RIT2: variants seen among roughly 807,000 people sequenced by gnomAD.
RIT2 encodes the protein GTP-binding protein Rit2.
Under a neutral mutation model 23.7 loss-of-function variants are expected in RIT2, and 24 were observed. That is an observed-to-expected ratio of 1.01 (90% CI 0.73 to 1.43). The LOEUF is 1.43. Ranked by LOEUF, RIT2 falls within the 40% of genes most tolerant of loss-of-function variation. The pLI is 0.00. For synonymous variants in RIT2, 107 were observed against 91.1 expected, an observed-to-expected ratio of 1.17 and a Z score of -0.99; for missense variants, 236 against 266.9, an observed-to-expected ratio of 0.88 and a Z score of 0.81.
At chr18:43,019,357 T>C (rs1911544972) in intron 2 of RIT2, among the ~76,000 whole-genome samples, 1 of 151,970 alleles carries the variant, frequency 6.6e-6, no homozygotes, top group Non-Finnish European at 1.5e-5. Flanking sequence ...TGGCATTTAT[T>C]CCAGAGATTC....
chr18:42,809,951 CATAATTTGTATATGTTATAT>C (rs1039650551), intron 4 of RIT2, among the ~76,000 whole-genome samples: 11 of 136,186 alleles, frequency 8.1e-5, no homozygotes, highest in South Asian at 4.6e-4. Context: ...ATATGATATA[CATAATTTGTATATGTTATAT>C]ATAATTTGTA....
intron 2 of RIT2, among the ~76,000 whole-genome samples, chr18:43,013,961 C>T (rs1911412860): frequency 1.3e-5 from 2 of 151,728 alleles, no homozygotes; most frequent in South Asian, 4.1e-4. Context: ...GAAAATAGGG[C>T]ATCCAAATTT....
intron 4 of RIT2, among the ~76,000 whole-genome samples, chr18:42,863,418 G>T (rs12606859): frequency 1.3e-5 from 2 of 151,928 alleles, no homozygotes; most frequent in South Asian, 2.1e-4. Context: ...TTATTCTTCC[G>T]TTAAATATAC....
intron 1 of RIT2, among the ~76,000 whole-genome samples, chr18:43,059,496 T>C (rs1348707681): frequency 2.6e-5 from 4 of 152,128 alleles, no homozygotes; most frequent in Admixed American, 2.6e-4. Flanking sequence ...TGGACTAGTA[T>C]AGCATAATTA....
intron 2 of RIT2, among the ~76,000 whole-genome samples, chr18:42,992,290 G>C (rs1401676966): frequency 6.6e-6 from 1 of 152,106 alleles, no homozygotes; most frequent in Non-Finnish European, 1.5e-5. Context: ...GTCCCAAATA[G>C]CCAGAAAACA....
intron 4 of RIT2, among the ~76,000 whole-genome samples, chr18:42,827,398 G>A (rs1425401429): frequency 1.3e-5 from 2 of 152,086 alleles, no homozygotes; most frequent in Admixed American, 6.5e-5. Flanking sequence ...CCTCAGGGTA[G>A]TAAAACATTT....
intron 4 of RIT2, among the ~76,000 whole-genome samples, chr18:42,892,395 T>C (rs1186161399): frequency 3.9e-5 from 6 of 152,228 alleles, no homozygotes; most frequent in Non-Finnish European, 8.8e-5. Context: ...TGGAGTCTAT[T>C]GGATTATACA....
At chr18:42,961,997 G>A (rs546108856) in intron 3 of RIT2, among the ~76,000 whole-genome samples, 19 of 152,136 alleles carry the variant, frequency 1.2e-4, no homozygotes, top group African/African-American at 4.3e-4. Flanking sequence ...CCTATGTTTT[G>A]CCTATTTTTT....
intron 4 of RIT2, among the ~76,000 whole-genome samples, chr18:42,912,237 A>C (rs1036519920): frequency 6.6e-6 from 1 of 151,946 alleles, no homozygotes; most frequent in South Asian, 2.1e-4. Flanking sequence ...TCATGAAAAA[A>C]AAAAATCACT....
At chr18:42,816,873 T>C (rs2143985937) in intron 4 of RIT2, among the ~76,000 whole-genome samples, 1 of 152,264 alleles carries the variant, frequency 6.6e-6, no homozygotes, top group East Asian at 1.9e-4. Flanking sequence ...ACCAGATAGT[T>C]GAAAGTATCA....
At chr18:42,767,930 G>A (rs866211042) in intron 4 of RIT2, among the ~76,000 whole-genome samples, 1 of 151,936 alleles carries the variant, frequency 6.6e-6, no homozygotes, top group South Asian at 2.1e-4. Flanking sequence ...TGATTTTGAA[G>A]CCTCCCCAGC....
chr18:42,862,246 G>T (rs1353783774), intron 4 of RIT2, among the ~76,000 whole-genome samples: 2 of 151,938 alleles, frequency 1.3e-5, no homozygotes, highest in East Asian at 3.9e-4. Flanking sequence ...TGGTTTAAAA[G>T]TGGCACTTCT....
chr18:43,039,712 T>G (rs1206776326), intron 1 of RIT2, among the ~76,000 whole-genome samples: 1 of 152,170 alleles, frequency 6.6e-6, no homozygotes, highest in African/African-American at 2.4e-5. Flanking sequence ...GTGGTTTAAT[T>G]GTACTTTTTG....
intron 1 of RIT2, among the ~76,000 whole-genome samples, chr18:43,097,370 A>G (rs1260290017): frequency 6.6e-6 from 1 of 151,936 alleles, no homozygotes; most frequent in Non-Finnish European, 1.5e-5. Flanking sequence ...GGTTAAATAT[A>G]CAAATCCGAA....
At chr18:42,995,367 A>G (rs1220955368) in intron 2 of RIT2, among the ~76,000 whole-genome samples, 1 of 152,026 alleles carries the variant, frequency 6.6e-6, no homozygotes, top group Non-Finnish European at 1.5e-5. Flanking sequence ...TCAGATAACT[A>G]AAGTACCTCT....
chr18:42,832,191 C>T (rs1248406052), intron 4 of RIT2, among the ~76,000 whole-genome samples: 1 of 152,126 alleles, frequency 6.6e-6, no homozygotes, highest in East Asian at 1.9e-4. Flanking sequence ...AGCTTATGGT[C>T]CAGGGCGTGT....
chr18:43,026,923 T>C (rs1383045274), intron 2 of RIT2, among the ~76,000 whole-genome samples: 2 of 151,780 alleles, frequency 1.3e-5, no homozygotes, highest in Non-Finnish European at 2.9e-5. Flanking sequence ...GAAGACCAAA[T>C]GCAAGAAGAC....
intron 3 of RIT2, among the ~76,000 whole-genome samples, chr18:42,954,690 G>C (rs529471550): frequency 6.6e-6 from 1 of 151,978 alleles, no homozygotes; most frequent in Non-Finnish European, 1.5e-5. Context: ...TTTAAGGTCT[G>C]AATGAGATTT....
intron 1 of RIT2, among the ~76,000 whole-genome samples, chr18:43,104,864 A>G (rs1219652430): frequency 1.3e-5 from 2 of 152,206 alleles, no homozygotes; most frequent in African/African-American, 4.8e-5. Context: ...CTTTTCCTGC[A>G]ACCATTAAAT....
Sources: gnomAD v4.1 joint callset for allele counts (sites outside exome capture counted in the v4.1 genomes callset) on GRCh38, gnomAD v4.1.1 for gene constraint, MANE v1.5 for transcripts, NCBI Gene and HGNC (gene_info 2026-07-23, HGNC 2026-07-21) for gene names.